The following SLC30A7 variants were observed in gnomAD, a reference collection of about 807,000 sequenced individuals.
SLC30A7 encodes solute carrier family 30 member 7.
SLC30A7 carries 35 observed loss-of-function variants against 46.0 expected under a neutral mutation model. The observed-to-expected ratio is 0.76, with a 90% CI of 0.58 to 1.01. SLC30A7 has a LOEUF of 1.01. Among genes scored for constraint, SLC30A7 ranks in the 50% least tolerant of loss-of-function variants. The pLI is 0.00. For synonymous variants in SLC30A7, 147 were observed against 157.8 expected (o/e 0.93, Z 0.51); for missense variants, 464 against 451.1 (o/e 1.03, Z -0.26).
At chr1:100,924,912 T>TTA (rs1327709218) in intron 8 of SLC30A7, among the ~76,000 whole-genome samples, 1 of 152,218 alleles carries the variant, frequency 6.6e-6, no homozygotes, top group Admixed American at 6.5e-5. Context: ...CACCAAATAT[T>TTA]TATTAAGCAG....
intron 8 of SLC30A7, among the ~76,000 whole-genome samples, chr1:100,927,802 A>G (rs1393005595): frequency 6.6e-6 from 1 of 152,178 alleles, no homozygotes; most frequent in East Asian, 1.9e-4. Context: ...GCTTTAAAAA[A>G]AAGTGTTAGG....
At chr1:100,899,420 T>C (rs1325374621) in intron 2 of SLC30A7, among the ~76,000 whole-genome samples, 2 of 152,238 alleles carry the variant, frequency 1.3e-5, no homozygotes, top group African/African-American at 2.4e-5. Context: ...GATTTTTCCC[T>C]TCCTTCTAGT....
At chr1:100,898,674 A>G (rs1267679181) in intron 2 of SLC30A7, among the ~76,000 whole-genome samples, 1 of 152,154 alleles carries the variant, frequency 6.6e-6, no homozygotes, top group Non-Finnish European at 1.5e-5. Flanking sequence ...TGGCCTTTTA[A>G]TAATCTGGCT....
intron 2 of SLC30A7, among the ~76,000 whole-genome samples, chr1:100,906,465 G>T (rs895641546): frequency 6.6e-6 from 1 of 152,140 alleles, no homozygotes; most frequent in Admixed American, 6.5e-5. Flanking sequence ...AACAAAAGCA[G>T]ACCTTTGCTT....
At position 100,979,321 on chromosome 1, in the gene SLC30A7, T is replaced by C. The variant is rs975130511; in HGVS notation, c.*4464T>C. On this transcript the variant is annotated 3_prime_UTR_variant, in exon 11 of 11. Coordinates refer to ENST00000357650, the MANE Select transcript of SLC30A7 (RefSeq NM_133496.5). ...AAAATAAAAGGAAATTATATGTTTT[T>C]CTTTGGACATTCATTGGAAGGCTTG... 14 of 151,518 alleles carry C rather than the reference T, an allele frequency of 9.2e-5. No homozygotes were observed. Among genetic ancestry groups the C allele is most frequent in the African/African-American group, 3.4e-4 (14 of 41,342 alleles). The allele number at this position is 151,518 out of a possible 1,614,324, so 9.4% of individuals were successfully genotyped here. A position where few individuals can be genotyped will look rare whatever the true frequency, so the allele number is the denominator to read the frequency against.
chr1:100,965,056 A>G (rs573841608), intron 9 of SLC30A7, among the ~76,000 whole-genome samples: 1 of 152,282 alleles, frequency 6.6e-6, no homozygotes, highest in African/African-American at 2.4e-5. Flanking sequence ...GATTATGTAA[A>G]AATCAGAATC....
chr1:100,961,496 T>TA (rs1350698639), intron 8 of SLC30A7, among the ~76,000 whole-genome samples: 2 of 152,248 alleles, frequency 1.3e-5, no homozygotes, highest in Non-Finnish European at 2.9e-5. Flanking sequence ...TTATCAGTGC[T>TA]ACTATGATTA....
intron 10 of SLC30A7, among the ~76,000 whole-genome samples, chr1:100,971,960 T>C (rs1274365354): frequency 6.6e-6 from 1 of 152,178 alleles, no homozygotes; most frequent in Admixed American, 6.5e-5. Flanking sequence ...AACATTTATT[T>C]TCTTAGGAGC....
chr1:100,970,749 A>G (rs1656115787), intron 10 of SLC30A7, among the ~76,000 whole-genome samples: 1 of 151,720 alleles, frequency 6.6e-6, no homozygotes. Context: ...TAAATTGGCC[A>G]ATAGTATTTG....
In SLC30A7 at chr1:100,911,058, T is replaced by G; in HGVS notation, c.297-5T>G. ...AATTCAGTTATTTACTTTGTTCCTC[T>G]TTAGGTATGTTAGAGCGGAAGTTCT... On this transcript the variant is annotated splice_polypyrimidine_tract_variant and splice_region_variant and intron_variant, in intron 3 of 10. Transcript: ENST00000357650. 3 of 1,601,584 alleles carry G rather than the reference T, an allele frequency of 1.9e-6. No individual in the cohort carries two copies. Among genetic ancestry groups the G allele is most frequent in the Non-Finnish European group, 1.7e-6 (2 of 1,171,286 alleles).
At chr1:100,961,596 A>T (rs982900910) in intron 8 of SLC30A7, among the ~76,000 whole-genome samples, 1 of 152,170 alleles carries the variant, frequency 6.6e-6, no homozygotes, top group Non-Finnish European at 1.5e-5. Flanking sequence ...TTTCAGTTTT[A>T]TAGCTTTACT....
intron 7 of SLC30A7, among the ~76,000 whole-genome samples, chr1:100,920,546 TAGTG>T (rs1652871824): frequency 6.6e-6 from 1 of 151,970 alleles, no homozygotes; most frequent in African/African-American, 2.4e-5. Flanking sequence ...TATATGTAGG[TAGTG>T]AGGGATGATT....
intron 8 of SLC30A7, among the ~76,000 whole-genome samples, chr1:100,945,497 C>G (rs1465276536): frequency 6.6e-6 from 1 of 152,136 alleles, no homozygotes; most frequent in African/African-American, 2.4e-5. Context: ...TTTCAGCTTT[C>G]TACATATGGC....
At chr1:100,935,534 C>T (rs1435242786) in intron 8 of SLC30A7, among the ~76,000 whole-genome samples, 2 of 152,136 alleles carry the variant, frequency 1.3e-5, no homozygotes, top group Non-Finnish European at 2.9e-5. Flanking sequence ...TGGCTATCAC[C>T]TATGCACTGG....
At chr1:100,909,510 C>G (rs976908897) in intron 3 of SLC30A7, among the ~76,000 whole-genome samples, 2 of 152,066 alleles carry the variant, frequency 1.3e-5, no homozygotes, top group Non-Finnish European at 2.9e-5. Flanking sequence ...AAACACTAGC[C>G]ATACTTAATT....
Position 100,918,113 on chromosome 1 carries a change from G to A in SLC30A7, c.692G>A (p.Arg231Lys). 6.2e-7 allele frequency: 1 copy of A among 1,612,684 alleles called. No homozygotes were observed. The highest frequency in any genetic ancestry group is 8.5e-7 in the Non-Finnish European group (1 of 1,179,102). The stretch of plus-strand genomic sequence containing the variant: ...TTAAAAGAAACAACAGGACCCAGCA[G>A]ACAGATTTTACAAGGTATGACAAGC... ...PSLKETTGPS[R>K]QILQGVFLHI... The change falls in exon 7 of 11, where the codon AGA (arginine) becomes AAA (lysine). Residue 231 changes from arginine to lysine, a missense_variant. Transcript: ENST00000357650.
chr1:100,962,424 A>G (rs1655598379), intron 9 of SLC30A7, among the ~76,000 whole-genome samples: 1 of 152,258 alleles, frequency 6.6e-6, no homozygotes, highest in Non-Finnish European at 1.5e-5. Context: ...AGTTATATTC[A>G]AGGAAATTGA....
At chr1:100,969,077 T>A (rs1480598725) in intron 10 of SLC30A7, among the ~76,000 whole-genome samples, 2 of 152,222 alleles carry the variant, frequency 1.3e-5, no homozygotes, top group Non-Finnish European at 2.9e-5. Flanking sequence ...ACTCCAGTGC[T>A]AATCTTATGT....
chr1:100,964,218 CTAAT>C (rs1445459192), intron 9 of SLC30A7, among the ~76,000 whole-genome samples: 2 of 109,556 alleles, frequency 1.8e-5, no homozygotes, highest in African/African-American at 8.6e-5. Context: ...ATAATTGTTA[CTAAT>C]TGTTTTATAT....
Sources: allele counts gnomAD v4.1 joint callset (sites outside exome capture counted in the v4.1 genomes callset), GRCh38; gene constraint gnomAD v4.1.1; transcripts MANE v1.5; gene names NCBI Gene and HGNC (gene_info 2026-07-23, HGNC 2026-07-21).